Variants in SMURF2 observed in about 807,000 individuals in gnomAD.
SMURF2 encodes E3 ubiquitin-protein ligase SMURF2.
SMURF2 carries 48 observed loss-of-function variants against 109.6 expected under a neutral mutation model. That is an observed-to-expected ratio of 0.44 (90% CI 0.35 to 0.56). SMURF2 has a LOEUF of 0.56. Among genes scored for constraint, SMURF2 ranks in the 20% least tolerant of loss-of-function variants. The probability of loss-of-function intolerance (pLI) is 0.01; values close to 1 mark genes in which losing one functional copy is unlikely to be tolerated. For missense variants in SMURF2, 575 were observed against 909.0 expected (o/e 0.63, Z 4.72); for synonymous variants, 288 against 317.1 (o/e 0.91, Z 0.97).
intron 1 of SMURF2, among the ~76,000 whole-genome samples, chr17:64,616,083 ACCTCCCAAAGTG>A (rs1970116757): frequency 6.6e-6 from 1 of 151,162 alleles, no homozygotes; most frequent in Non-Finnish European, 1.5e-5. Flanking sequence ...ACCTGCCTCG[ACCTCCCAAAGTG>A]CTGGGATTAC....
rs557444687 is a variant in SMURF2, at chr17:64,658,852, A to G, written c.52+2977T>C. ...TTATACATTTTGTAATCAATGTTATAGAAACAGTAGTTGAAGTTGATAGTG... is the reference window on the plus strand; with the variant it reads ...TTATACATTTTGTAATCAATGTTATGGAAACAGTAGTTGAAGTTGATAGTG... On this transcript the variant is annotated intron_variant, in intron 1 of 18. Coordinates refer to ENST00000262435, the MANE Select transcript of SMURF2 (RefSeq NM_022739.4). 2.3e-4 allele frequency among the ~76,000 whole-genome samples: 35 copies of G among 152,356 alleles called. No individual in the cohort carries two copies. In the South Asian group the frequency reaches 7.0e-3, roughly 31 times the overall value.
At chr17:64,558,414 C>T (rs1969156920) in intron 12 of SMURF2, among the ~76,000 whole-genome samples, 1 of 151,988 alleles carries the variant, frequency 6.6e-6, no homozygotes, top group Non-Finnish European at 1.5e-5. Flanking sequence ...AAAAAAAAGT[C>T]CACGTCATCT....
chr17:64,636,253 C>A (rs1396706391), intron 1 of SMURF2, among the ~76,000 whole-genome samples: 30 of 152,192 alleles, frequency 2.0e-4, no homozygotes, highest in Admixed American at 2.0e-3. Context: ...GCCAACACAT[C>A]TGGCTAGCTG....
intron 15 of SMURF2, among the ~76,000 whole-genome samples, chr17:64,554,642 A>AC (rs1414714929): frequency 1.3e-5 from 2 of 152,188 alleles, no homozygotes; most frequent in Admixed American, 1.3e-4. Context: ...ATCTTGTGGA[A>AC]CACCAGTGTT....
intron 1 of SMURF2, chr17:64,660,685 T>C (rs913279315): frequency 6.6e-6 from 1 of 152,220 alleles, no homozygotes; most frequent in Non-Finnish European, 1.5e-5. Flanking sequence ...AATTACAGTT[T>C]ATCCGTACAC....
chr17:64,627,051 T>C, intron 1 of SMURF2, among the ~76,000 whole-genome samples: 1 of 151,298 alleles, frequency 6.6e-6, no homozygotes, highest in East Asian at 1.9e-4. Context: ...TGCCAAGCCC[T>C]GTACAAATTA....
chr17:64,600,633 G>A (rs1187207514), intron 2 of SMURF2, among the ~76,000 whole-genome samples: 21 of 152,186 alleles, frequency 1.4e-4, no homozygotes, highest in South Asian at 1.2e-3. Context: ...GGTAAGTTAG[G>A]GTATTAAATC....
intron 1 of SMURF2, among the ~76,000 whole-genome samples, chr17:64,636,607 A>G (rs1970419499): frequency 1.4e-5 from 2 of 146,604 alleles, no homozygotes; most frequent in African/African-American, 2.5e-5. Context: ...TGCCTCAAAA[A>G]AAAAAAAAAA....
chr17:64,633,183 T>C (rs1435349324), intron 1 of SMURF2, among the ~76,000 whole-genome samples: 3 of 152,172 alleles, frequency 2.0e-5, no homozygotes, highest in African/African-American at 7.2e-5. Context: ...AGTGGGAGGA[T>C]GGCTTGAGCC....
intron 6 of SMURF2, 101 bp downstream of exon 6, chr17:64,585,985 C>T (rs561136960): frequency 6.1e-5 from 38 of 627,910 alleles, no homozygotes; most frequent in Admixed American, 9.1e-5. Context: ...ATTCAATATA[C>T]GATAAACACC....
chr17:64,632,530 C>A (rs1970365277), intron 1 of SMURF2, among the ~76,000 whole-genome samples: 1 of 152,004 alleles, frequency 6.6e-6, no homozygotes, highest in Non-Finnish European at 1.5e-5. Context: ...GGGCAGGAAA[C>A]AAACAAACAA....
At chr17:64,630,471 T>C (rs1160291458) in intron 1 of SMURF2, among the ~76,000 whole-genome samples, 1 of 152,156 alleles carries the variant, frequency 6.6e-6, no homozygotes, top group Non-Finnish European at 1.5e-5. Context: ...GAGAGCTAAC[T>C]GGCCAAAACA....
intron 1 of SMURF2, among the ~76,000 whole-genome samples, chr17:64,612,593 G>A (rs1284129872): frequency 6.6e-6 from 1 of 151,940 alleles, no homozygotes; most frequent in East Asian, 1.9e-4. Flanking sequence ...AGAATCACTT[G>A]AGCCTGGAAG....
At chr17:64,649,323 T>G (rs1185490725) in intron 1 of SMURF2, among the ~76,000 whole-genome samples, 2 of 152,122 alleles carry the variant, frequency 1.3e-5, no homozygotes, top group Non-Finnish European at 2.9e-5. Flanking sequence ...GAGGTGACGC[T>G]ACAGGCTACT....
At chr17:64,561,683 CA>C in intron 11 of SMURF2, 80 bp from the exon 12 acceptor site, 1 of 1,075,894 alleles carries the variant, frequency 9.3e-7, no homozygotes, top group Non-Finnish European at 1.3e-6. Context: ...CCAATCCATC[CA>C]AAAAACTCAA....
rs1306679356 is a variant in SMURF2, at chr17:64,556,037, C to T, written c.1432-39G>A. 5 of 1,418,460 alleles carry T rather than the reference C, an allele frequency of 3.5e-6. No homozygotes were observed. The African/African-American group carries it at 5.8e-5, about 16-fold the overall frequency. 87.9% of individuals were successfully genotyped at this position (1,418,460 alleles called of 1,614,324 possible). On this transcript the variant is annotated intron_variant, in intron 13 of 18. Transcript: ENST00000262435. The stretch of plus-strand genomic sequence containing the variant: ...CAGTATATATACTCGTTAGGCACTA[C>T]CCAGGAAAATTTTAATAAAAATGAA...
chr17:64,612,737 C>A (rs1432625912), intron 1 of SMURF2, among the ~76,000 whole-genome samples: 1 of 151,530 alleles, frequency 6.6e-6, no homozygotes, highest in African/African-American at 2.4e-5. Flanking sequence ...ACATACTTAT[C>A]CGGTCGTGTT....
At chr17:64,559,613 A>G (rs886852532) in intron 12 of SMURF2, among the ~76,000 whole-genome samples, 4 of 151,670 alleles carry the variant, frequency 2.6e-5, no homozygotes, top group Admixed American at 2.0e-4. Flanking sequence ...CAACAAAAAA[A>G]ACTGACTACG....
intron 3 of SMURF2, among the ~76,000 whole-genome samples, chr17:64,595,745 T>C (rs1254762141): frequency 7.5e-6 from 1 of 133,314 alleles, no homozygotes; most frequent in Non-Finnish European, 1.5e-5. Flanking sequence ...TAAAACCTAA[T>C]AAGTACAAGA....
Sources: gnomAD v4.1 joint callset for allele counts (sites outside exome capture counted in the v4.1 genomes callset) on GRCh38, gnomAD v4.1.1 for gene constraint, MANE v1.5 for transcripts, NCBI Gene and HGNC (gene_info 2026-07-23, HGNC 2026-07-21) for gene names.